Variants in BTD observed in about 807,000 individuals in gnomAD.
BTD encodes the protein biocytinase.
BTD carries 13 observed loss-of-function variants against 17.7 expected under a neutral mutation model. That is an observed-to-expected ratio of 0.74 (90% CI 0.48 to 1.17). The LOEUF (loss-of-function observed/expected upper bound fraction) is 1.17, where lower values mean the gene tolerates loss of function less well. BTD is among the 50% of genes most tolerant of loss of function. The pLI, the probability that BTD is intolerant of heterozygous loss-of-function variation, is 0.00. For synonymous variants in BTD, 240 were observed against 245.2 expected (o/e 0.98, Z 0.20); for missense variants, 674 against 650.4 (o/e 1.04, Z -0.39).
rs2065821818 is a variant in BTD at position 15,652,545 on chromosome 3, C to T, written c.*7057C>T. Reference sequence around the variant, plus strand: ...TGACCACTGCCCTGGGAAACGACTGCAACCTCATGAGAGACCCTGAGCCGG... The same window carrying T: ...TGACCACTGCCCTGGGAAACGACTGTAACCTCATGAGAGACCCTGAGCCGG... On this transcript the variant is annotated 3_prime_UTR_variant, in exon 4 of 4. Coordinates refer to ENST00000643237, the MANE Select transcript of BTD (RefSeq NM_001370658.1). 6.6e-6 allele frequency among the ~76,000 whole-genome samples: 1 copy of T among 152,214 alleles called. No homozygotes were observed.
At chr3:15,619,454 G>A (rs897796548) in intron 1 of BTD, among the ~76,000 whole-genome samples, 2 of 152,148 alleles carry the variant, frequency 1.3e-5, no homozygotes, top group Non-Finnish European at 2.9e-5. Flanking sequence ...TAATGTGATA[G>A]ATTACATAAA....
intron 4 of BTD, among the ~76,000 whole-genome samples, chr3:15,719,852 C>T (rs578168957): frequency 2.0e-5 from 3 of 151,954 alleles, no homozygotes; most frequent in East Asian, 1.9e-4. Flanking sequence ...AGACTGTATC[C>T]GGCCAAAATT....
At chr3:15,689,536 C>T (rs1166998804) in intron 3 of BTD, among the ~76,000 whole-genome samples, 1 of 152,196 alleles carries the variant, frequency 6.6e-6, no homozygotes, top group Non-Finnish European at 1.5e-5. Context: ...GGGGCACTTA[C>T]ATCTTTTGTG....
intron 3 of BTD, among the ~76,000 whole-genome samples, chr3:15,673,527 A>T (rs1419161202): frequency 6.6e-6 from 1 of 152,248 alleles, no homozygotes; most frequent in Non-Finnish European, 1.5e-5. Flanking sequence ...ATAACAAAAA[A>T]GTACATTATA....
intron 3 of BTD, among the ~76,000 whole-genome samples, chr3:15,675,326 C>T (rs1259662543): frequency 6.6e-6 from 1 of 152,102 alleles, no homozygotes; most frequent in African/African-American, 2.4e-5. Context: ...GGAATAACTG[C>T]GGACAGCAAG....
upstream of BTD, chr3:15,601,493 C>T (rs2064239395): frequency 6.2e-7 from 1 of 1,610,898 alleles, no homozygotes; most frequent in African/African-American, 1.3e-5. Flanking sequence ...AGCACTCACG[C>T]AGCCGGCAAA....
intron 3 of BTD, among the ~76,000 whole-genome samples, chr3:15,699,876 C>A (rs952462007): frequency 6.6e-6 from 1 of 152,182 alleles, no homozygotes; most frequent in African/African-American, 2.4e-5. Context: ...CCAGCCATCC[C>A]ATTACTGGGT....
chr3:15,691,415 G>A (rs949811779), intron 3 of BTD, among the ~76,000 whole-genome samples: 1 of 152,168 alleles, frequency 6.6e-6, no homozygotes, highest in African/African-American at 2.4e-5. Context: ...GAGCCACTGC[G>A]CCCGGCCCCG....
rs1305783979 is a variant in BTD, at chr3:15,675,861, C to T, written c.399+33804C>T. 2.7e-6 allele frequency: 4 copies of T among 1,484,840 alleles called. No individual in the cohort carries two copies. In the Admixed American group the frequency reaches 7.7e-5, roughly 29 times the overall value. 92.0% of individuals were successfully genotyped at this position (1,484,840 alleles called of 1,614,324 possible). A position where few individuals can be genotyped will look rare whatever the true frequency, so the allele number is the denominator to read the frequency against. On this transcript the variant is annotated intron_variant, in intron 3 of 3. Transcript: ENST00000672141. ...TCAAATATGGATCAAAAGATAAAAGCTCTAGGTTAAGGGAAGAGAATATAG... is the reference window on the plus strand; with the variant it reads ...TCAAATATGGATCAAAAGATAAAAGTTCTAGGTTAAGGGAAGAGAATATAG...
intron 2 of BTD, among the ~76,000 whole-genome samples, chr3:15,640,241 G>A (rs952992376): frequency 3.3e-5 from 5 of 152,202 alleles, no homozygotes; most frequent in African/African-American, 9.7e-5. Flanking sequence ...TGCAATAAGT[G>A]TTTTGAGCAC....
intron 3 of BTD, chr3:15,676,102 A>C (rs1304399521): frequency 1.3e-6 from 1 of 748,626 alleles, no homozygotes. Context: ...AAGAGGTACA[A>C]ACTCGAGAAA....
intron 3 of BTD, among the ~76,000 whole-genome samples, chr3:15,689,307 G>C (rs2068509837): frequency 6.6e-6 from 1 of 152,200 alleles, no homozygotes; most frequent in African/African-American, 2.4e-5. Context: ...CCCTACCTAA[G>C]CTTTGACGGT....
Position 15,644,340 on chromosome 3 carries a change from G to A in BTD, c.424G>A (p.Ala142Thr). 6.2e-7 allele frequency: 1 copy of A among 1,613,946 alleles called. No individual in the cohort carries two copies. The highest frequency in any genetic ancestry group is 1.1e-5 in the South Asian group (1 of 91,042). Residue 142 changes from alanine (A) to threonine (T), a missense_variant, in exon 4 of 4, where the codon GCC becomes ACC. By Grantham distance (58) the Ala-to-Thr change is moderately conservative. Coordinates refer to ENST00000643237, the MANE Select transcript of BTD (RefSeq NM_001370658.1). ...GGTGCTCCAGCGCCTGAGTTGTATG[G>A]CCATCAGGGGAGATATGTTCTTGGT... is the stretch of plus-strand genomic sequence containing the variant. ...TEVLQRLSCMAIRGDMFLVAN... is the reference protein window; with the variant it reads ...TEVLQRLSCMTIRGDMFLVAN...
chr3:15,650,205 G>A lies in BTD; in HGVS notation c.*4717G>A, dbSNP rs1328171434. 1.3e-5 allele frequency among the ~76,000 whole-genome samples: 2 copies of A among 152,158 alleles called. No homozygotes were observed. The highest frequency in any genetic ancestry group is 2.9e-5 in the Non-Finnish European group (2 of 68,026). On this transcript the variant is annotated 3_prime_UTR_variant, in exon 4 of 4. Transcript: ENST00000643237. ...GGTAGTCACAAAGAATGTTTAGAAT[G>A]TTTCTCAGACAGGCTGAGAAAAAAC...
intron 3 of BTD, among the ~76,000 whole-genome samples, chr3:15,705,817 A>ATGT (rs2071278745): frequency 6.6e-6 from 1 of 152,020 alleles, no homozygotes; most frequent in African/African-American, 2.4e-5. Flanking sequence ...CCTGGCCAAC[A>ATGT]TGGTGAATCT....
At chr3:15,715,596 G>GT (rs1301400813), downstream of BTD, among the ~76,000 whole-genome samples, 3 of 152,118 alleles carry the variant, frequency 2.0e-5, no homozygotes, top group Non-Finnish European at 1.5e-5. Flanking sequence ...GGAGGAGAGA[G>GT]GATGCATGCA....
At position 15,644,942 on chromosome 3, in the gene BTD, A is replaced by G. The variant is rs1367244547; in HGVS notation, c.1026A>G (p.Leu342=). Residue 342 remains leucine, a synonymous_variant, in exon 4 of 4, where the codon TTA becomes TTG. Coordinates refer to ENST00000643237, the MANE Select transcript of BTD (RefSeq NM_001370658.1). ...CGGACCCATCCCATAGTAAGTTTTTAAAAATTTTGTCAGGCGATCCGTACT... is the reference window on the plus strand; with the variant it reads ...CGGACCCATCCCATAGTAAGTTTTTGAAAATTTTGTCAGGCGATCCGTACT... ...GETDPSHSKF[L]KILSGDPYCE... 3.7e-6 allele frequency: 6 copies of G among 1,614,074 alleles called. No homozygotes were observed. The East Asian group carries it at 1.1e-4, about 30-fold the overall frequency.
intron 1 of BTD, among the ~76,000 whole-genome samples, chr3:15,618,064 T>G (rs1322758149): frequency 6.6e-6 from 1 of 152,222 alleles, no homozygotes; most frequent in Non-Finnish European, 1.5e-5. Flanking sequence ...CAAGTGATCT[T>G]CCCACTTCCA....
intron 3 of BTD, among the ~76,000 whole-genome samples, chr3:15,665,093 A>G (rs1181941732): frequency 6.6e-6 from 1 of 152,240 alleles, no homozygotes; most frequent in African/African-American, 2.4e-5. Flanking sequence ...TAATTAAGAT[A>G]GTAGACAAGT....
Sources: gnomAD v4.1 joint callset for allele counts (sites outside exome capture counted in the v4.1 genomes callset) on GRCh38, gnomAD v4.1.1 for gene constraint, MANE v1.5 for transcripts, NCBI Gene and HGNC (gene_info 2026-07-23, HGNC 2026-07-21) for gene names.